The following GNB4 variants were observed in gnomAD, a reference collection of about 807,000 sequenced individuals.
GNB4 encodes G protein subunit beta 4.
Under a neutral mutation model 45.2 loss-of-function variants are expected in GNB4, and 28 were observed. The observed-to-expected ratio is 0.62, with a 90% CI of 0.46 to 0.85. The LOEUF is 0.85. Ranked by LOEUF, GNB4 falls within the 40% of genes least tolerant of loss-of-function variation. The pLI is 0.00. For missense variants in GNB4, 321 were observed against 425.4 expected (o/e 0.75, Z 2.16); for synonymous variants, 132 against 143.7 (o/e 0.92, Z 0.58).
At chr3:179,489,164 A>G in the GNB4 span, among the ~76,000 whole-genome samples, 1 of 150,198 alleles carries the variant, frequency 6.7e-6, no homozygotes. Context: ...CATATCAATT[A>G]AAAGGCATAG....
At chr3:179,439,657 T>A (rs929950447) in intron 1 of GNB4, among the ~76,000 whole-genome samples, 6 of 152,234 alleles carry the variant, frequency 3.9e-5, no homozygotes, top group Admixed American at 2.0e-4. Context: ...TATATCTCAC[T>A]GCTTCTTCTG....
intron 1 of GNB4, among the ~76,000 whole-genome samples, chr3:179,448,700 T>C (rs1357611781): frequency 6.6e-6 from 1 of 152,224 alleles, no homozygotes; most frequent in African/African-American, 2.4e-5. Context: ...CCGGTGCCTG[T>C]AGGTAACTAA....
chr3:179,449,886 A>G (rs993806860), intron 1 of GNB4, among the ~76,000 whole-genome samples: 3 of 152,222 alleles, frequency 2.0e-5, no homozygotes, highest in Non-Finnish European at 2.9e-5. Flanking sequence ...ATTGCCCCAG[A>G]GTCTATTTTT....
chr3:179,525,568 G>C, the GNB4 span, among the ~76,000 whole-genome samples: 1 of 152,168 alleles, frequency 6.6e-6, no homozygotes, highest in Non-Finnish European at 1.5e-5. Flanking sequence ...GAATGACCAA[G>C]GAGGTGTCCC....
At position 179,397,397 on chromosome 3, in the gene GNB4, G is replaced by A. The variant is rs1714149723; in HGVS notation, c.*3816C>T. 6.6e-6 allele frequency: 1 copy of A among 152,200 alleles called. No homozygotes were observed. The highest frequency in any genetic ancestry group is 2.4e-5 in the African/African-American group (1 of 41,452). 9.4% of individuals were successfully genotyped at this position (152,200 alleles called of 1,614,324 possible). A position where few individuals can be genotyped will look rare whatever the true frequency, so the allele number is the denominator to read the frequency against. On this transcript the variant is annotated 3_prime_UTR_variant, in exon 10 of 10. Transcript: ENST00000232564. ...GTTTCATTTTGTCACCTTAAGTCAAGATCCATTTATCTATTAATAGGTTAA... is the reference window on the plus strand; with the variant it reads ...GTTTCATTTTGTCACCTTAAGTCAAAATCCATTTATCTATTAATAGGTTAA...
the GNB4 span, among the ~76,000 whole-genome samples, chr3:179,527,124 A>C: frequency 6.6e-6 from 1 of 152,102 alleles, no homozygotes; most frequent in African/African-American, 2.4e-5. Context: ...GGAAGTATGG[A>C]GTCAATGACT....
the GNB4 span, among the ~76,000 whole-genome samples, chr3:179,497,370 T>C: frequency 2.0e-5 from 3 of 152,300 alleles, no homozygotes; most frequent in Admixed American, 6.5e-5. Flanking sequence ...ATTAAAAACT[T>C]AATCATAAGA....
chr3:179,423,883 A>G (rs908677103), intron 2 of GNB4, among the ~76,000 whole-genome samples: 1 of 152,214 alleles, frequency 6.6e-6, no homozygotes, highest in African/African-American at 2.4e-5. Context: ...CAGAAGTCGT[A>G]TAATTCCAGG....
rs1039932850 is a variant in GNB4 at position 179,399,084 on chromosome 3, C to A, written c.*2129G>T. The A allele has an allele frequency of 2.6e-5, 4 of 152,152 alleles. No homozygotes were observed. Among genetic ancestry groups the A allele is most frequent in the Admixed American group, 2.6e-4 (4 of 15,272 alleles). 9.4% of individuals were successfully genotyped at this position (152,152 alleles called of 1,614,324 possible). ...CTGACTAACCTACATGGCAAACTTT[C>A]CCCAACCCTCTTTTTCTGGAAATGA... On this transcript the variant is annotated 3_prime_UTR_variant, in exon 10 of 10. Transcript: ENST00000232564.
chr3:179,482,165 G>T, the GNB4 span, among the ~76,000 whole-genome samples: 32 of 152,214 alleles, frequency 2.1e-4, no homozygotes, highest in Admixed American at 1.9e-3. Flanking sequence ...AAAGTGCTTG[G>T]CATTACAGGC....
intron 1 of GNB4, among the ~76,000 whole-genome samples, chr3:179,436,116 G>A (rs1715440831): frequency 6.6e-6 from 1 of 152,172 alleles, no homozygotes; most frequent in Non-Finnish European, 1.5e-5. Flanking sequence ...GTAAGGATAG[G>A]CCGGATCTGC....
intron 1 of GNB4, among the ~76,000 whole-genome samples, chr3:179,442,452 C>CT (rs1385369249): frequency 2.0e-5 from 3 of 152,102 alleles, no homozygotes; most frequent in Admixed American, 1.3e-4. Context: ...TTTTAGTACT[C>CT]TAAGATTTTG....
intron 1 of GNB4, among the ~76,000 whole-genome samples, chr3:179,438,667 TAAG>T (rs1490109928): frequency 2.6e-5 from 4 of 152,194 alleles, no homozygotes; most frequent in Admixed American, 6.5e-5. Context: ...CTGAACTCCT[TAAG>T]AAGCATTGGG....
At chr3:179,409,720 G>T (rs1217595117) in intron 8 of GNB4, among the ~76,000 whole-genome samples, 1 of 149,514 alleles carries the variant, frequency 6.7e-6, no homozygotes, top group Non-Finnish European at 1.5e-5. Context: ...TGAGGCAGGA[G>T]AATTGCTTGA....
At position 179,401,278 on chromosome 3, in the gene GNB4, C is replaced by T. The variant is rs61750380; in HGVS notation, c.958G>A (p.Val320Ile). 4,973 of 1,613,740 alleles carry T rather than the reference C, an allele frequency of 3.1e-3. 30 individuals are homozygous for T. The highest frequency in any genetic ancestry group is 2.9e-3 in the Non-Finnish European group (3,375 of 1,179,868). The change falls in exon 10 of 10, where the codon GTA becomes ATA. Residue 320 changes from valine (V) to isoleucine (I), a missense_variant. Physicochemically the swap from Val to Ile is conservative, Grantham distance 29. Coordinates refer to ENST00000232564, the MANE Select transcript of GNB4 (RefSeq NM_021629.4). Reference sequence around the variant, plus strand: ...GCCACAGCCATGCCATCATCAGTTACACCTAAGCAGCTCACACGGTTGTCA... The same window carrying T: ...GCCACAGCCATGCCATCATCAGTTATACCTAAGCAGCTCACACGGTTGTCA... ...GHDNRVSCLG[V>I]TDDGMAVATG...
the GNB4 span, among the ~76,000 whole-genome samples, chr3:179,518,898 A>C: frequency 6.6e-6 from 1 of 152,324 alleles, no homozygotes; most frequent in South Asian, 2.1e-4. Flanking sequence ...ACATTAAATA[A>C]AGCTCCAAAA....
At chr3:179,404,093 A>C (rs1714390836) in intron 9 of GNB4, among the ~76,000 whole-genome samples, 1 of 152,244 alleles carries the variant, frequency 6.6e-6, no homozygotes, top group East Asian at 1.9e-4. Context: ...AAGATTCATT[A>C]GTGAGAAGCA....
chr3:179,520,530 T>G, the GNB4 span, among the ~76,000 whole-genome samples: 3 of 152,240 alleles, frequency 2.0e-5, no homozygotes, highest in South Asian at 4.2e-4. Flanking sequence ...CCCTAATACT[T>G]TTAGAGGCCC....
At chr3:179,517,651 C>T in the GNB4 span, among the ~76,000 whole-genome samples, 1 of 151,594 alleles carries the variant, frequency 6.6e-6, no homozygotes, top group Non-Finnish European at 1.5e-5. Context: ...TCTTTACTCT[C>T]TTCTCCAACC....
Sources: allele counts gnomAD v4.1 joint callset (sites outside exome capture counted in the v4.1 genomes callset), GRCh38; gene constraint gnomAD v4.1.1; transcripts MANE v1.5; gene names NCBI Gene and HGNC (gene_info 2026-07-23, HGNC 2026-07-21).